PLAAT5: variants seen among roughly 807,000 people sequenced by gnomAD.
The protein encoded by PLAAT5 is phospholipase A and acyltransferase 5.
In PLAAT5, 27 loss-of-function variants were observed where a neutral mutation model predicts 27.8. That is an observed-to-expected ratio of 0.97 (90% CI 0.72 to 1.34). PLAAT5 has a LOEUF of 1.34. PLAAT5 is among the 40% of genes most tolerant of loss of function. The pLI, the probability that PLAAT5 is intolerant of heterozygous loss-of-function variation, is 0.00. For synonymous variants in PLAAT5, 125 were observed against 136.1 expected, an observed-to-expected ratio of 0.92 and a Z score of 0.57; for missense variants, 368 against 343.8, an observed-to-expected ratio of 1.07 and a Z score of -0.56.
intron 3 of PLAAT5, among the ~76,000 whole-genome samples, chr11:63,477,823 G>A (rs974157002): frequency 1.3e-5 from 2 of 152,122 alleles, no homozygotes; most frequent in Non-Finnish European, 2.9e-5. Flanking sequence ...ATGGCCAGAA[G>A]TTGAGCCACA....
At position 63,463,213 on chromosome 11, in the gene PLAAT5, G is replaced by A. The variant is rs2015762143; in HGVS notation, c.*290C>T. Reference sequence around the variant, plus strand: ...AAGGTCAGCCTAAGACACAAGCAAGGTCCCATCCTACAAAGAGAGTGAAAT... The same window carrying A: ...AAGGTCAGCCTAAGACACAAGCAAGATCCCATCCTACAAAGAGAGTGAAAT... On this transcript the variant is annotated 3_prime_UTR_variant, in exon 6 of 6. Transcript: ENST00000540857. The A allele has an allele frequency of 2.8e-6, 1 of 352,654 alleles. No homozygotes were observed. Among genetic ancestry groups the A allele is most frequent in the Non-Finnish European group, 5.2e-6 (1 of 191,302 alleles). 21.8% of individuals were successfully genotyped at this position (352,654 alleles called of 1,614,324 possible). A position where few individuals can be genotyped will look rare whatever the true frequency, so the allele number is the denominator to read the frequency against.
intron 3 of PLAAT5, among the ~76,000 whole-genome samples, chr11:63,474,295 G>T (rs544042628): frequency 1.3e-5 from 2 of 152,052 alleles, no homozygotes; most frequent in African/African-American, 4.8e-5. Flanking sequence ...TTATTTAAAC[G>T]CATGGTAGAA....
At chr11:63,473,598 A>ATT (rs1031000928) in intron 3 of PLAAT5, among the ~76,000 whole-genome samples, 1 of 150,932 alleles carries the variant, frequency 6.6e-6, no homozygotes, top group African/African-American at 2.4e-5. Context: ...GTTCAAGAGA[A>ATT]TTTTTTTTTA....
chr11:63,483,842 T>TACAC (rs1199525578), intron 3 of PLAAT5, among the ~76,000 whole-genome samples: 2 of 94,006 alleles, frequency 2.1e-5, no homozygotes, highest in Admixed American at 1.1e-4. Flanking sequence ...TATATATATA[T>TACAC]ACACATATAT....
intron 3 of PLAAT5, among the ~76,000 whole-genome samples, chr11:63,478,325 C>CTT (rs768796267): frequency 6.9e-6 from 1 of 143,952 alleles, no homozygotes. Flanking sequence ...AATAGACTTT[C>CTT]TTTTTTTTTT....
intron 1 of PLAAT5, among the ~76,000 whole-genome samples, 164 bp downstream of exon 1, chr11:63,490,723 T>C (rs2016543768): frequency 6.6e-6 from 1 of 152,178 alleles, no homozygotes; most frequent in African/African-American, 2.4e-5. Flanking sequence ...TGGCTCGCTT[T>C]GATTAGCTTT....
intron 4 of PLAAT5, among the ~76,000 whole-genome samples, chr11:63,466,585 G>A (rs932012061): frequency 5.3e-5 from 8 of 151,998 alleles, no homozygotes; most frequent in Admixed American, 6.6e-5. Context: ...CTCTCAACCC[G>A]CACAGGAGTC....
At chr11:63,463,662 AC>A in intron 5 of PLAAT5, 67 bp from the exon 6 acceptor site, 1 of 1,170,388 alleles carries the variant, frequency 8.5e-7, no homozygotes, top group South Asian at 1.2e-5. Context: ...CCCTACCTCC[AC>A]CCCACCATAC....
chr11:63,486,149 G>A (rs932434703), intron 3 of PLAAT5, among the ~76,000 whole-genome samples: 1 of 152,170 alleles, frequency 6.6e-6, no homozygotes, highest in Non-Finnish European at 1.5e-5. Flanking sequence ...TGGCATAGAT[G>A]TGGTGAAAAG....
intron 3 of PLAAT5, among the ~76,000 whole-genome samples, chr11:63,484,657 GC>G (rs2120331217): frequency 6.6e-6 from 1 of 152,188 alleles, no homozygotes; most frequent in East Asian, 1.9e-4. Context: ...GGCAATAAAA[GC>G]CATCTACGAC....
intron 3 of PLAAT5, chr11:63,470,564 T>C (rs2015996266): frequency 6.5e-6 from 1 of 154,918 alleles, no homozygotes; most frequent in African/African-American, 2.4e-5. Flanking sequence ...AAATAAGTTA[T>C]ACTGGTGAGA....
chr11:63,465,371 AGTGTGTGTGTGT>A (rs58014474), intron 5 of PLAAT5, among the ~76,000 whole-genome samples: 105 of 145,372 alleles, frequency 7.2e-4, no homozygotes, highest in African/African-American at 2.3e-3. Context: ...TCAAACAAAA[AGTGTGTGTGTGT>A]GTGTGTGTGT....
At chr11:63,484,173 A>AG (rs1327759158) in intron 3 of PLAAT5, among the ~76,000 whole-genome samples, 149 of 151,300 alleles carry the variant, frequency 9.8e-4, no homozygotes, top group African/African-American at 3.4e-3. Flanking sequence ...AAAAAAAAAA[A>AG]GTCCAGGACC....
intron 3 of PLAAT5, among the ~76,000 whole-genome samples, chr11:63,481,563 G>A (rs143008189): frequency 0.012 from 1,896 of 152,204 alleles, 146 homozygotes; most frequent in Admixed American, 0.11. Flanking sequence ...CCCTTCTCCC[G>A]GAAACAGGTG....
chr11:63,490,899 C>T lies in PLAAT5; in HGVS notation c.136G>A (p.Val46Met), dbSNP rs780602045. The change falls in exon 1 of 6, where the codon GTG (valine) becomes ATG (methionine). Residue 46 changes from valine (V) to methionine (M), a missense_variant. Transcript: ENST00000540857. ...DQPPALRRSA[V>M]PHSEESVGFA... ...TCTTGGGGCTGACCTGAGTGGGGCACAGCTGAACGTCTGAGCGCAGGCGGC... is the reference window on the plus strand; with the variant it reads ...TCTTGGGGCTGACCTGAGTGGGGCATAGCTGAACGTCTGAGCGCAGGCGGC... 9.3e-6 allele frequency: 15 copies of T among 1,604,470 alleles called. No homozygotes were observed. In the Admixed American group the frequency reaches 2.0e-4, roughly 22 times the overall value.
At position 63,462,000 on chromosome 11, in the gene PLAAT5, T is replaced by C. The variant is rs531209701; in HGVS notation, c.*1503A>G. On this transcript the variant is annotated 3_prime_UTR_variant, in exon 6 of 6. Coordinates refer to ENST00000540857, the MANE Select transcript of PLAAT5 (RefSeq NM_001146729.2). ...ATAAGCAAGAGATGGATGAGTCCTC[T>C]GTGCAGAAGTTACTAAACACTCCTT... 2.2e-4 allele frequency: 33 copies of C among 152,316 alleles called. No homozygotes were observed. Among genetic ancestry groups the C allele is most frequent in the African/African-American group, 7.7e-4 (32 of 41,580 alleles). 9.4% of individuals were successfully genotyped at this position (152,316 alleles called of 1,614,324 possible).
At chr11:63,466,070 G>A in intron 5 of PLAAT5, 40 bp downstream of exon 5, 1 of 1,592,744 alleles carries the variant, frequency 6.3e-7, no homozygotes, top group African/African-American at 1.3e-5. Context: ...CCCCAAGAAA[G>A]CTCTGGAAGA....
intron 3 of PLAAT5, among the ~76,000 whole-genome samples, chr11:63,486,582 C>T (rs140469245): frequency 6.6e-6 from 1 of 152,228 alleles, no homozygotes; most frequent in African/African-American, 2.4e-5. Context: ...AAATCATATG[C>T]TCTCACTTAT....
rs1304545395 is a variant in PLAAT5, at chr11:63,468,386, T to A, written c.425A>T (p.Asp142Val). ...GGGAGCCAGATGGACCACGCAATCA[T>A]CTTCTACATAGATGGCCCAGTGCTC... is the stretch of plus-strand genomic sequence containing the variant. ...GYEHWAIYVE[D>V]DCVVHLAPPS... Residue 142 changes from aspartate (D) to valine (V), a missense_variant, in exon 4 of 6, where the codon GAT becomes GTT. By Grantham distance (152) the Asp-to-Val change is radical. Coordinates refer to ENST00000540857, the MANE Select transcript of PLAAT5 (RefSeq NM_001146729.2). 1 of 1,614,028 alleles carries A rather than the reference T, an allele frequency of 6.2e-7. No homozygotes were observed.
Sources: gnomAD v4.1 joint callset for allele counts (sites outside exome capture counted in the v4.1 genomes callset) on GRCh38, gnomAD v4.1.1 for gene constraint, MANE v1.5 for transcripts, NCBI Gene and HGNC (gene_info 2026-07-23, HGNC 2026-07-21) for gene names.